The following BIRC6 variants were observed in gnomAD, a reference collection of about 807,000 sequenced individuals.
BIRC6 encodes the protein baculoviral IAP repeat containing 6.
A neutral mutation model predicts 503.3 loss-of-function variants in BIRC6; 98 were observed. That is an observed-to-expected ratio of 0.19 (90% CI 0.17 to 0.23). BIRC6 has a LOEUF of 0.23. Ranked by LOEUF, BIRC6 falls within the 10% of genes least tolerant of loss-of-function variation. The pLI is 1.00. For missense variants in BIRC6, 5,360 were observed against 5,806.0 expected (o/e 0.92, Z 2.50); for synonymous variants, 2,240 against 2,078.7 (o/e 1.08, Z -2.11).
chr2:32,499,720 G>T lies in BIRC6; in HGVS notation c.8642G>T (p.Ser2881Ile), dbSNP rs766459516. 1 of 1,614,038 alleles carries T rather than the reference G, an allele frequency of 6.2e-7. No homozygotes were observed. Among genetic ancestry groups the T allele is most frequent in the South Asian group, 1.1e-5 (1 of 91,084 alleles). ...TGCTCAGACAAAGTAATGTCAAGAA[G>T]TGGATCAGATAGCTCCGTGGGTGCT... Reference protein sequence around the residue: ...ITCSDKVMSRSGSDSSVGARA... With the variant: ...ITCSDKVMSRIGSDSSVGARA... Residue 2881 changes from serine (S) to isoleucine (I), a missense_variant, in exon 46 of 74, where the codon AGT becomes ATT. By Grantham distance (142) the Ser-to-Ile change is moderately radical. This residue lies in a region of BIRC6 where 2,299 missense variants were observed against 2,267.2 expected (regional missense o/e 1.01). Coordinates refer to ENST00000421745, the MANE Select transcript of BIRC6 (RefSeq NM_016252.4).
intron 40 of BIRC6, among the ~76,000 whole-genome samples, chr2:32,487,430 A>T (rs555881316): frequency 1.3e-5 from 2 of 152,170 alleles, no homozygotes; most frequent in African/African-American, 2.4e-5. Flanking sequence ...TTTGAGTCCT[A>T]TGAATTTGGG....
At chr2:32,524,557 G>GTT (rs1273972857) in intron 57 of BIRC6, among the ~76,000 whole-genome samples, 3 of 152,164 alleles carry the variant, frequency 2.0e-5, no homozygotes, top group Non-Finnish European at 4.4e-5. Context: ...CAGTTGCCAA[G>GTT]CACATTGAAC....
chr2:32,543,220 A>G, intron 61 of BIRC6, 21 bp from the exon 62 acceptor site: 2 of 1,608,204 alleles, frequency 1.2e-6, no homozygotes, highest in Non-Finnish European at 1.7e-6. Flanking sequence ...TGGCCAAGCC[A>G]ACACTTTTCT....
At position 32,424,244 on chromosome 2, in the gene BIRC6, T is replaced by C. The variant is rs114494386; in HGVS notation, c.2873-4902T>C. On this transcript the variant is annotated intron_variant, in intron 10 of 73. Coordinates refer to ENST00000421745, the MANE Select transcript of BIRC6 (RefSeq NM_016252.4). ...AATTTATCATATGTGTGTGTGTATA[T>C]ATATGAATATATATATATGAAAAAA... is the stretch of plus-strand genomic sequence containing the variant. 7.1e-3 allele frequency among the ~76,000 whole-genome samples: 1,081 copies of C among 151,848 alleles called. 19 individuals are homozygous for C. The highest frequency in any genetic ancestry group is 0.025 in the African/African-American group (1,055 of 41,444).
At chr2:32,504,034 TTGTGTGTGTGTGTG>T (rs556051105) in intron 49 of BIRC6, among the ~76,000 whole-genome samples, 65 of 78,242 alleles carry the variant, frequency 8.3e-4, no homozygotes, top group South Asian at 3.7e-3. Flanking sequence ...GGGGGGGTGT[TTGTGTGTGTGTGTG>T]TGTGTGTGTG....
chr2:32,466,787 TG>T (rs1175057681), intron 26 of BIRC6, among the ~76,000 whole-genome samples: 1 of 152,214 alleles, frequency 6.6e-6, no homozygotes, highest in African/African-American at 2.4e-5. Context: ...GTCTTACTGT[TG>T]TTTTTTTGTT....
chr2:32,473,759 T>A (rs912918704), intron 33 of BIRC6, among the ~76,000 whole-genome samples: 1 of 144,732 alleles, frequency 6.9e-6, no homozygotes, highest in African/African-American at 2.5e-5. Flanking sequence ...GTATTTTTTT[T>A]TTTTTTTTTT....
chr2:32,598,078 T>A, intron 69 of BIRC6, 110 bp downstream of exon 69: 1 of 1,089,356 alleles, frequency 9.2e-7, no homozygotes, highest in Non-Finnish European at 1.3e-6. Context: ...TACAAAACAC[T>A]AGAAATTTTG....
chr2:32,391,882 T>C (rs1008104285), intron 4 of BIRC6, among the ~76,000 whole-genome samples, 157 bp from the exon 5 acceptor site: 2 of 152,222 alleles, frequency 1.3e-5, no homozygotes, highest in Non-Finnish European at 2.9e-5. Flanking sequence ...TCCCAAAAAT[T>C]ACCGTTTTTA....
In BIRC6 at chr2:32,611,492, C is replaced by A. The variant is rs2062870880; in HGVS notation, c.14304C>A (p.Ala4768=). The A allele has an allele frequency of 6.2e-7, 1 of 1,609,464 alleles. No individual in the cohort carries two copies. Among genetic ancestry groups the A allele is most frequent in the African/African-American group, 1.3e-5 (1 of 74,630 alleles). The part of the protein sequence containing the change: ...HFYLKRVEIM[A]QCEEWIADIQ... Reference sequence around the variant, plus strand: ...ACTTGAAAAGAGTTGAGATAATGGCCCAATGTGAGGAGTGGATTGCGGATA... The same window carrying A: ...ACTTGAAAAGAGTTGAGATAATGGCACAATGTGAGGAGTGGATTGCGGATA... Residue 4768 remains alanine (A), a synonymous_variant, in exon 73 of 74, where the codon GCC becomes GCA. Transcript: ENST00000421745.
Position 32,427,347 on chromosome 2 carries a change from A to G in BIRC6, c.2873-1799A>G, listed in dbSNP as rs146277018. Reference sequence around the variant, plus strand: ...GCCCAGGCTGGAGTGCAGTGGCGCTATCTCAGCTCACTGCAACCTCTGCCT... The same window carrying G: ...GCCCAGGCTGGAGTGCAGTGGCGCTGTCTCAGCTCACTGCAACCTCTGCCT... On this transcript the variant is annotated intron_variant, in intron 10 of 73. Transcript: ENST00000421745. 8.7e-3 allele frequency among the ~76,000 whole-genome samples: 1,317 copies of G among 151,934 alleles called. 28 individuals carry two copies. Among genetic ancestry groups the G allele is most frequent in the African/African-American group, 0.03 (1,260 of 41,432 alleles).
At chr2:32,520,272 A>G (rs2055508265) in intron 57 of BIRC6, among the ~76,000 whole-genome samples, 2 of 152,196 alleles carry the variant, frequency 1.3e-5, no homozygotes, top group South Asian at 4.1e-4. Flanking sequence ...ATAGGTAGGA[A>G]AGATTGTTTT....
intron 19 of BIRC6, 47 bp downstream of exon 19, chr2:32,442,502 A>T (rs1197895858): frequency 1.3e-6 from 2 of 1,522,536 alleles, no homozygotes; most frequent in East Asian, 4.7e-5. Context: ...GTACACCTGC[A>T]ATTTAGTGGG....
At chr2:32,379,381 A>G (rs568147337) in intron 2 of BIRC6, 27 of 152,366 alleles carry the variant, frequency 1.8e-4, no homozygotes, top group African/African-American at 6.0e-4. Context: ...AGGTTTAACA[A>G]ACAATTAAAG....
chr2:32,507,137 T>C (rs1196246819), intron 50 of BIRC6, among the ~76,000 whole-genome samples: 1 of 152,072 alleles, frequency 6.6e-6, no homozygotes, highest in Non-Finnish European at 1.5e-5. Flanking sequence ...TTTGGTTTAA[T>C]TTGAAAAGGA....
chr2:32,568,844 CAA>C (rs879643734), intron 65 of BIRC6, among the ~76,000 whole-genome samples: 5 of 129,952 alleles, frequency 3.8e-5, no homozygotes, highest in Admixed American at 7.9e-5. Context: ...AACTCAGTCT[CAA>C]AAAAAAAAAA....
intron 6 of BIRC6, among the ~76,000 whole-genome samples, chr2:32,397,365 G>A (rs1163510847): frequency 6.6e-6 from 1 of 151,976 alleles, no homozygotes; most frequent in East Asian, 1.9e-4. Flanking sequence ...CCAGCTACTC[G>A]GGAGGGTGAG....
chr2:32,501,203 G>T (rs1488932973), intron 46 of BIRC6, among the ~76,000 whole-genome samples: 1 of 151,972 alleles, frequency 6.6e-6, no homozygotes, highest in Non-Finnish European at 1.5e-5. Flanking sequence ...TTGCCTGTTG[G>T]TATTTTTTTC....
chr2:32,414,376 AT>A (rs540203804), intron 9 of BIRC6, among the ~76,000 whole-genome samples: 112 of 151,720 alleles, frequency 7.4e-4, no homozygotes, highest in African/African-American at 2.6e-3. Context: ...TGCACTTTAA[AT>A]TTTTTTAGGC....
Sources: gnomAD v4.1 joint callset for allele counts (sites outside exome capture counted in the v4.1 genomes callset) on GRCh38, gnomAD v4.1.1 for gene constraint, gnomAD v4.1.1 regional missense constraint, MANE v1.5 for transcripts, NCBI Gene and HGNC (gene_info 2026-07-23, HGNC 2026-07-21) for gene names.